Variants in ARHGAP15 observed in about 807,000 individuals in gnomAD.
ARHGAP15 encodes Rho GTPase activating protein 15, also known as rho GTPase-activating protein 15.
Under a neutral mutation model 63.7 loss-of-function variants are expected in ARHGAP15, and 51 were observed. That is an observed-to-expected ratio of 0.80 (90% CI 0.64 to 1.01). ARHGAP15 has a LOEUF of 1.01. Ranked by LOEUF, ARHGAP15 falls within the 50% of genes least tolerant of loss-of-function variation. The pLI is 0.00. For missense variants in ARHGAP15, 560 were observed against 564.6 expected (o/e 0.99, Z 0.08); for synonymous variants, 191 against 193.8 (o/e 0.99, Z 0.12).
chr2:143,652,965 C>A (rs1190584754), intron 12 of ARHGAP15, among the ~76,000 whole-genome samples: 1 of 151,988 alleles, frequency 6.6e-6, no homozygotes, highest in Non-Finnish European at 1.5e-5. Context: ...TGAGAGTGGA[C>A]ATTTCTGTCC....
rs755535108 is a variant in ARHGAP15 at position 143,487,358 on chromosome 2, T to C, written c.704-15T>C. 2.3e-5 allele frequency: 37 copies of C among 1,588,944 alleles called. 2 individuals carry two copies. In the South Asian group the frequency reaches 4.3e-4, roughly 19 times the overall value. ...AGAAATTTACCAAAAGCCTCTGATTTTTTTAAATCTTCAGTGTTCAGACTG... is the reference window on the plus strand; with the variant it reads ...AGAAATTTACCAAAAGCCTCTGATTCTTTTAAATCTTCAGTGTTCAGACTG... On this transcript the variant is annotated splice_polypyrimidine_tract_variant and intron_variant, in intron 8 of 13. Transcript: ENST00000295095.
At chr2:143,641,360 C>T (rs1680592182) in intron 12 of ARHGAP15, 1 of 151,766 alleles carries the variant, frequency 6.6e-6, no homozygotes, top group Admixed American at 6.6e-5. Flanking sequence ...CACTGTTGTT[C>T]TTTCTAATAT....
chr2:143,372,011 GAAATAAATAAAT>G (rs10530096), intron 6 of ARHGAP15, among the ~76,000 whole-genome samples: 2,406 of 148,006 alleles, frequency 0.016, 35 homozygotes, highest in Middle Eastern at 0.048. Flanking sequence ...CGAGCCTATG[GAAATAAATAAAT>G]AAATAAATAA....
intron 3 of ARHGAP15, among the ~76,000 whole-genome samples, chr2:143,213,867 G>T (rs1692647022): frequency 6.6e-6 from 1 of 152,202 alleles, no homozygotes. Context: ...TGATGACAAT[G>T]ATGTCACATT....
chr2:143,512,820 T>C (rs1331523603), intron 9 of ARHGAP15, among the ~76,000 whole-genome samples: 1 of 152,188 alleles, frequency 6.6e-6, no homozygotes, highest in Non-Finnish European at 1.5e-5. Context: ...TCCATTTGCC[T>C]CTCCCTGCAA....
chr2:143,442,822 A>G (rs901819793), intron 8 of ARHGAP15, among the ~76,000 whole-genome samples: 1 of 152,184 alleles, frequency 6.6e-6, no homozygotes, highest in African/African-American at 2.4e-5. Flanking sequence ...CCCACACAAA[A>G]GTAGGTATGT....
chr2:143,342,371 A>C (rs1685095497), intron 6 of ARHGAP15, among the ~76,000 whole-genome samples: 1 of 152,054 alleles, frequency 6.6e-6, no homozygotes, highest in Non-Finnish European at 1.5e-5. Context: ...CATAAGAAAA[A>C]GAAGTGTCTC....
rs35206838 is a variant in ARHGAP15, at chr2:143,288,622, CTT to C, written c.474+38034_474+38035del. ...TCATTCCCTTAGATTCCTCGGGACA[CTT>C]TTTTTTTTTTTGTCTGCAGACACCT... is the stretch of plus-strand genomic sequence containing the variant. On this transcript the variant is annotated intron_variant, in intron 6 of 13. Coordinates refer to ENST00000295095, the MANE Select transcript of ARHGAP15 (RefSeq NM_018460.4). Among the ~76,000 whole-genome samples the C allele has an allele frequency of 8.6e-4, 124 of 144,982 alleles. 1 individual carries two copies. Among genetic ancestry groups the C allele is most frequent in the South Asian group, 2.4e-3 (11 of 4,510 alleles).
intron 9 of ARHGAP15, among the ~76,000 whole-genome samples, chr2:143,488,212 T>C (rs1184655807): frequency 1.3e-5 from 2 of 152,212 alleles, no homozygotes; most frequent in East Asian, 3.8e-4. Flanking sequence ...GGGATACTTA[T>C]ATACATCATT....
rs577545768 is a variant in ARHGAP15 at position 143,264,734 on chromosome 2, C to G, written c.474+14134C>G. ...GTTACAGAGCAATAGCTAATTGATA[C>G]AAGTAATATGTCTACAAATACAGTA... On this transcript the variant is annotated intron_variant, in intron 6 of 13. Transcript: ENST00000295095. Among the ~76,000 whole-genome samples the G allele has an allele frequency of 1.1e-4, 16 of 152,120 alleles. 1 individual carries two copies. The South Asian group carries it at 1.9e-3, about 18-fold the overall frequency.
intron 6 of ARHGAP15, among the ~76,000 whole-genome samples, chr2:143,301,116 A>AAT (rs1031420964): frequency 7.9e-5 from 12 of 152,042 alleles, no homozygotes; most frequent in Non-Finnish European, 1.5e-4. Context: ...ACAAGAGGCA[A>AAT]ATATGAATGA....
chr2:143,477,478 A>G (rs1487683869), intron 8 of ARHGAP15, among the ~76,000 whole-genome samples: 1 of 152,152 alleles, frequency 6.6e-6, no homozygotes, highest in Admixed American at 6.5e-5. Context: ...CTACATATGT[A>G]TTATACATTA....
intron 1 of ARHGAP15, among the ~76,000 whole-genome samples, chr2:143,147,960 G>C (rs1392438168): frequency 1.3e-5 from 2 of 151,994 alleles, no homozygotes; most frequent in Admixed American, 6.6e-5. Flanking sequence ...TTTTCATCAA[G>C]TATCTTAGAA....
At chr2:143,686,972 C>T (rs1239222362) in intron 12 of ARHGAP15, among the ~76,000 whole-genome samples, 1 of 152,196 alleles carries the variant, frequency 6.6e-6, no homozygotes, top group African/African-American at 2.4e-5. Flanking sequence ...AATATTTTCT[C>T]AGCTCATTTT....
intron 10 of ARHGAP15, among the ~76,000 whole-genome samples, chr2:143,551,995 C>T (rs941664889): frequency 6.6e-6 from 1 of 152,244 alleles, no homozygotes; most frequent in South Asian, 2.1e-4. Flanking sequence ...TTGGAAGGAC[C>T]GAGACAGAAA....
intron 10 of ARHGAP15, among the ~76,000 whole-genome samples, chr2:143,531,463 T>G (rs1378216024): frequency 6.6e-6 from 1 of 152,178 alleles, no homozygotes; most frequent in Non-Finnish European, 1.5e-5. Context: ...AAATTAACCC[T>G]TGGATTTGAA....
intron 8 of ARHGAP15, among the ~76,000 whole-genome samples, chr2:143,455,450 T>G (rs1291447232): frequency 6.6e-6 from 1 of 152,106 alleles, no homozygotes; most frequent in Non-Finnish European, 1.5e-5. Flanking sequence ...TATCTCATCC[T>G]GTGACTAAGA....
chr2:143,419,345 GCAGCCTTT>G (rs887430695), intron 6 of ARHGAP15, among the ~76,000 whole-genome samples: 37 of 152,174 alleles, frequency 2.4e-4, no homozygotes, highest in African/African-American at 8.9e-4. Context: ...ATGCATTTCA[GCAGCCTTT>G]CAAAATTCTT....
chr2:143,711,949 A>G (rs1190020275), intron 13 of ARHGAP15, among the ~76,000 whole-genome samples: 3 of 152,092 alleles, frequency 2.0e-5, no homozygotes, highest in Non-Finnish European at 4.4e-5. Context: ...ACAAAACAAA[A>G]CCTGTAGACA....
Sources: allele counts gnomAD v4.1 joint callset (sites outside exome capture counted in the v4.1 genomes callset), GRCh38; gene constraint gnomAD v4.1.1; transcripts MANE v1.5; gene names NCBI Gene and HGNC (gene_info 2026-07-23, HGNC 2026-07-21).